SHISAL1: variants seen among roughly 807,000 people sequenced by gnomAD.
SHISAL1 encodes protein shisa-like-1.
In SHISAL1, 9 loss-of-function variants were observed where a neutral mutation model predicts 22.6. The ratio of observed to expected loss-of-function variants is 0.40; its 90% confidence interval spans 0.24 to 0.70. The LOEUF (loss-of-function observed/expected upper bound fraction) is 0.70, where lower values mean the gene tolerates loss of function less well. SHISAL1 is among the 30% of genes least tolerant of loss of function. The probability of loss-of-function intolerance (pLI) is 0.39; values close to 1 mark genes in which losing one functional copy is unlikely to be tolerated. For synonymous variants in SHISAL1, 119 were observed against 115.4 expected, an observed-to-expected ratio of 1.03 and a Z score of -0.20; for missense variants, 246 against 270.6, an observed-to-expected ratio of 0.91 and a Z score of 0.64.
intron 4 of SHISAL1, among the ~76,000 whole-genome samples, chr22:44,253,069 T>C (rs899781253): frequency 1.3e-5 from 2 of 152,100 alleles, no homozygotes; most frequent in African/African-American, 4.8e-5. Context: ...ATGGTGATGG[T>C]TGCACTATAG....
intron 1 of SHISAL1, among the ~76,000 whole-genome samples, chr22:44,304,283 C>CAAG (rs1555931359): frequency 5.4e-4 from 82 of 152,156 alleles, no homozygotes; most frequent in African/African-American, 1.4e-3. Context: ...GACTTCGGAG[C>CAAG]GAGATGGGGC....
chr22:44,289,835 G>A (rs562208346), intron 3 of SHISAL1, among the ~76,000 whole-genome samples: 1 of 152,214 alleles, frequency 6.6e-6, no homozygotes, highest in South Asian at 2.1e-4. Context: ...AGATGCAGGG[G>A]TCTTTGTTGT....
upstream of SHISAL1, among the ~76,000 whole-genome samples, chr22:44,315,828 C>T (rs1322082796): frequency 6.6e-6 from 1 of 152,184 alleles, no homozygotes; most frequent in Admixed American, 6.5e-5. Flanking sequence ...GCCTGAGCCA[C>T]TGCTGGGGAG....
intron 4 of SHISAL1, among the ~76,000 whole-genome samples, chr22:44,254,293 A>G (rs926344): frequency 0.087 from 13,256 of 152,260 alleles, 927 homozygotes; most frequent in Admixed American, 0.18. Context: ...GTAAATGAAA[A>G]CAGAAATGGA....
At chr22:44,291,519 G>A (rs979132635) in intron 3 of SHISAL1, among the ~76,000 whole-genome samples, 1 of 152,166 alleles carries the variant, frequency 6.6e-6, no homozygotes, top group African/African-American at 2.4e-5. Context: ...TGTGTTGGAG[G>A]AAGTCCTCAT....
At position 44,310,275 on chromosome 22, in the gene SHISAL1, T is replaced by C. The variant is rs1041282052; in HGVS notation, c.-33+2476A>G. 2.0e-5 allele frequency among the ~76,000 whole-genome samples: 3 copies of C among 152,220 alleles called. No homozygotes were observed. Among genetic ancestry groups the C allele is most frequent in the Non-Finnish European group, 4.4e-5 (3 of 68,038 alleles). ...CACTTTATAAACATGTGTTAATTGG[T>C]TGAATGAACATAAGCAATGATCATC... On this transcript the variant is annotated intron_variant, in intron 1 of 4. Coordinates refer to ENST00000381176, the MANE Select transcript of SHISAL1 (RefSeq NM_001099294.2). The surrounding 1 kb of genome is among the most constrained non-coding windows in gnomAD (Gnocchi z 4.0).
intron 3 of SHISAL1, among the ~76,000 whole-genome samples, chr22:44,296,239 AC>A (rs59077769): frequency 0.19 from 28,494 of 150,560 alleles, 2,971 homozygotes; most frequent in East Asian, 0.29. Flanking sequence ...GCTCACTGCA[AC>A]CCTCTGCCTC....
intron 4 of SHISAL1, among the ~76,000 whole-genome samples, chr22:44,261,386 T>C (rs2147273029): frequency 6.6e-6 from 1 of 152,094 alleles, no homozygotes; most frequent in South Asian, 2.1e-4. Context: ...GGGCGCCCCT[T>C]CTGTGCAGCT....
the SHISAL1 span, among the ~76,000 whole-genome samples, chr22:44,323,573 A>C: frequency 1.6e-5 from 2 of 127,218 alleles, no homozygotes; most frequent in Non-Finnish European, 3.2e-5. Flanking sequence ...CCATCCATCC[A>C]TCCACCCACC....
intron 4 of SHISAL1, among the ~76,000 whole-genome samples, chr22:44,255,090 G>C (rs2055075286): frequency 1.3e-5 from 2 of 152,008 alleles, no homozygotes; most frequent in South Asian, 4.2e-4. Context: ...GCCCTTTGCT[G>C]GTCTGCCCAC....
intron 4 of SHISAL1, among the ~76,000 whole-genome samples, chr22:44,258,181 C>A (rs1246404163): frequency 2.0e-5 from 3 of 152,104 alleles, no homozygotes; most frequent in Non-Finnish European, 4.4e-5. Context: ...TGATGGGCAC[C>A]TGTAGTCCCA....
chr22:44,274,051 C>T (rs867707463), intron 4 of SHISAL1, among the ~76,000 whole-genome samples: 5 of 145,956 alleles, frequency 3.4e-5, no homozygotes, highest in South Asian at 4.8e-4. Flanking sequence ...ACCTCCCGGC[C>T]CCCCCCTCCC....
chr22:44,307,771 C>T (rs1269525269), intron 1 of SHISAL1, among the ~76,000 whole-genome samples: 1 of 152,176 alleles, frequency 6.6e-6, no homozygotes, highest in East Asian at 1.9e-4. Flanking sequence ...GGAAGGAGGG[C>T]ACGTGAAGAG....
intron 4 of SHISAL1, among the ~76,000 whole-genome samples, chr22:44,280,480 G>A (rs946637079): frequency 1.3e-5 from 2 of 152,136 alleles, no homozygotes; most frequent in African/African-American, 4.8e-5. Flanking sequence ...ACCAAGGGGG[G>A]CAGTGTCTAA....
chr22:44,247,464 G>A lies in SHISAL1; in HGVS notation c.*2221C>T, dbSNP rs139632887. 311 of 152,504 alleles carry A rather than the reference G, an allele frequency of 2.0e-3. 1 individual carries two copies. The highest frequency in any genetic ancestry group is 3.9e-3 in the Non-Finnish European group (263 of 68,202). 9.4% of individuals were successfully genotyped at this position (152,504 alleles called of 1,614,324 possible). ...CATGGCCCTGGGACGGCTCACATCA[G>A]GGGAGAGGAAGCCATTCCTTTCTCC... On this transcript the variant is annotated 3_prime_UTR_variant, in exon 5 of 5. Coordinates refer to ENST00000381176, the MANE Select transcript of SHISAL1 (RefSeq NM_001099294.2).
intron 4 of SHISAL1, among the ~76,000 whole-genome samples, chr22:44,266,059 A>C (rs890370225): frequency 6.6e-6 from 1 of 151,916 alleles, no homozygotes; most frequent in Admixed American, 6.6e-5. Context: ...GAGGGCTCAG[A>C]CCCAGCCTTG....
Position 44,303,714 on chromosome 22 carries a change from C to T in SHISAL1, c.-32-2737G>A, listed in dbSNP as rs375745020. Among the ~76,000 whole-genome samples, 27 of 152,262 alleles carry T rather than the reference C, an allele frequency of 1.8e-4. No individual in the cohort carries two copies. The East Asian group carries it at 3.3e-3, about 19-fold the overall frequency. On this transcript the variant is annotated intron_variant, in intron 1 of 4. Coordinates refer to ENST00000381176, the MANE Select transcript of SHISAL1 (RefSeq NM_001099294.2). ...ACAGCCTCTCATGTGGAGCCTGGTC[C>T]GTGGAAGGGCTGGGTTGGGTCCACA... is the stretch of plus-strand genomic sequence containing the variant.
At chr22:44,271,462 G>A (rs2055205124) in intron 4 of SHISAL1, among the ~76,000 whole-genome samples, 1 of 152,220 alleles carries the variant, frequency 6.6e-6, no homozygotes, top group South Asian at 2.1e-4. Flanking sequence ...GGAACAGGGA[G>A]TGAGCACCCT....
rs895350055 is a variant in SHISAL1, at chr22:44,300,903, G to C, written c.43C>G (p.Leu15Val). The C allele has an allele frequency of 6.2e-7, 1 of 1,614,024 alleles. No homozygotes were observed. Among genetic ancestry groups the C allele is most frequent in the Non-Finnish European group, 8.5e-7 (1 of 1,180,030 alleles). The change falls in exon 2 of 5, where the codon CTC becomes GTC. Residue 15 changes from leucine (L) to valine (V), a missense_variant. Physicochemically the swap from Leu to Val is conservative, Grantham distance 32. Around this residue, in one of 2 missense-constraint regions of SHISAL1, gnomAD observed 110 missense variants for 153.1 expected, o/e 0.72. Transcript: ENST00000381176. Reference protein sequence around the residue: ...GQQSLNVLAVLFSLLFSAVLS... With the variant: ...GQQSLNVLAVVFSLLFSAVLS... ...CCTGCAGAAAACAGCAATGAGAAGAGGACGGCGAGCACGTTCAAGGACTGC... is the reference window on the plus strand; with the variant it reads ...CCTGCAGAAAACAGCAATGAGAAGACGACGGCGAGCACGTTCAAGGACTGC...
Sources: allele counts gnomAD v4.1 joint callset (sites outside exome capture counted in the v4.1 genomes callset), GRCh38; gene constraint gnomAD v4.1.1; regional missense constraint gnomAD v4.1.1; non-coding constraint Gnocchi (gnomAD v3.1); transcripts MANE v1.5; gene names NCBI Gene and HGNC (gene_info 2026-07-23, HGNC 2026-07-21).